Variants in DCDC2 observed in about 807,000 individuals in gnomAD.
DCDC2 encodes the protein doublecortin domain-containing protein 2.
DCDC2 carries 40 observed loss-of-function variants against 50.2 expected under a neutral mutation model. The ratio of observed to expected loss-of-function variants is 0.80; its 90% CI spans 0.62 to 1.04. The LOEUF (loss-of-function observed/expected upper bound fraction) is 1.04. Ranked by LOEUF, DCDC2 falls within the 50% of genes least tolerant of loss-of-function variation. The pLI, the probability that DCDC2 is intolerant of heterozygous loss-of-function variation, is 0.00. For synonymous variants in DCDC2, 234 were observed against 210.6 expected (o/e 1.11, Z -0.96); for missense variants, 570 against 581.9 (o/e 0.98, Z 0.21).
chr6:24,204,940 C>G lies in DCDC2; in HGVS notation c.1023+62G>C, dbSNP rs1455662802. 4.7e-6 allele frequency: 7 copies of G among 1,503,516 alleles called. No individual in the cohort carries two copies. The East Asian group carries it at 9.0e-5, about 19-fold the overall frequency. 93.1% of individuals were successfully genotyped at this position (1,503,516 alleles called of 1,614,324 possible). ...TAGGAACAATTTGTAGGAGATAACACAAAACTTGGAAAAAAAACACTATAA... is the reference window on the plus strand; with the variant it reads ...TAGGAACAATTTGTAGGAGATAACAGAAAACTTGGAAAAAAAACACTATAA... On this transcript the variant is annotated intron_variant, in intron 8 of 9. Transcript: ENST00000378454.
intron 2 of DCDC2, among the ~76,000 whole-genome samples, chr6:24,318,323 G>A (rs1455776954): frequency 1.3e-5 from 2 of 152,090 alleles, no homozygotes; most frequent in African/African-American, 4.8e-5. Context: ...TTGCAGTAAG[G>A]TGTGAGAAAG....
the DCDC2 span, among the ~76,000 whole-genome samples, chr6:24,364,504 T>A: frequency 6.6e-6 from 1 of 152,156 alleles, no homozygotes; most frequent in Non-Finnish European, 1.5e-5. Flanking sequence ...ACATGTTTAA[T>A]CTTTGTAGAG....
At position 24,357,852 on chromosome 6, in the gene DCDC2, A is replaced by G. The variant is rs1760509159; in HGVS notation, c.-102T>C. 6.3e-7 allele frequency: 1 copy of G among 1,589,712 alleles called. No homozygotes were observed. The highest frequency in any genetic ancestry group is 8.6e-7 in the Non-Finnish European group (1 of 1,167,294). On this transcript the variant is annotated 5_prime_UTR_variant, in exon 1 of 10. Coordinates refer to ENST00000378454, the MANE Select transcript of DCDC2 (RefSeq NM_016356.5). ...CCCAGGGCGCGGGATCGCCTCCTGA[A>G]ACGAACGAGAAACTGACGAATCCAC...
In DCDC2 at chr6:24,203,139, A is replaced by C. The variant is rs139227299; in HGVS notation, c.1023+1863T>G. Among the ~76,000 whole-genome samples, 1,136 of 152,334 alleles carry C rather than the reference A, an allele frequency of 7.5e-3. 3 individuals carry two copies. The highest frequency in any genetic ancestry group is 0.028 in the South Asian group (133 of 4,826). On this transcript the variant is annotated intron_variant, in intron 8 of 9. Coordinates refer to ENST00000378454, the MANE Select transcript of DCDC2 (RefSeq NM_016356.5). ...TCACAAAATTGGAAAAAACTACTTT[A>C]AAGTTCATATGGGACCAAAAAAGAG...
At chr6:24,308,454 C>T (rs1454602154) in intron 2 of DCDC2, among the ~76,000 whole-genome samples, 1 of 152,138 alleles carries the variant, frequency 6.6e-6, no homozygotes, top group Non-Finnish European at 1.5e-5. Flanking sequence ...AGGGGACATG[C>T]TTTTTCCTGG....
Position 24,325,574 on chromosome 6 carries a change from A to T in DCDC2, c.349-23530T>A, listed in dbSNP as rs556241500. Reference sequence around the variant, plus strand: ...CAAAGATTTCAGTCACATTAGCATCATCATGTTCTCTTAGTCCAGAATTTT... The same window carrying T: ...CAAAGATTTCAGTCACATTAGCATCTTCATGTTCTCTTAGTCCAGAATTTT... On this transcript the variant is annotated intron_variant, in intron 2 of 9. Transcript: ENST00000378454. Among the ~76,000 whole-genome samples, 65 of 149,742 alleles carry T rather than the reference A, an allele frequency of 4.3e-4. 3 individuals are homozygous for T. Among genetic ancestry groups the T allele is most frequent in the Admixed American group, 8.6e-4 (13 of 15,030 alleles).
At chr6:24,288,496 G>T (rs17302729) in intron 6 of DCDC2, among the ~76,000 whole-genome samples, 1 of 152,058 alleles carries the variant, frequency 6.6e-6, no homozygotes, top group Non-Finnish European at 1.5e-5. Context: ...TTTTCTCAGC[G>T]AAACTTCCCT....
At chr6:24,174,891 G>A in intron 9 of DCDC2, 57 bp from the exon 10 acceptor site, 3 of 1,109,164 alleles carry the variant, frequency 2.7e-6, no homozygotes, top group Non-Finnish European at 3.9e-6. Context: ...CAAAGGTAAT[G>A]ACATTTATAA....
rs1274918019 is a variant in DCDC2, at chr6:24,173,661, C to G, written c.*1069G>C. On this transcript the variant is annotated 3_prime_UTR_variant, in exon 10 of 10. Transcript: ENST00000378454. ...AAAGTTTTACAATTTCTATCAGATG[C>G]CTTCTAATTACAAAGAAATCTGCTT... 1 of 152,110 alleles carries G rather than the reference C, an allele frequency of 6.6e-6. No individual in the cohort carries two copies. The highest frequency in any genetic ancestry group is 1.5e-5 in the Non-Finnish European group (1 of 68,022). The allele number at this position is 152,110 out of a possible 1,614,324, so 9.4% of individuals were successfully genotyped here. A position where few individuals can be genotyped will look rare whatever the true frequency, so the allele number is the denominator to read the frequency against.
intron 7 of DCDC2, among the ~76,000 whole-genome samples, chr6:24,234,290 C>T (rs772888269): frequency 6.6e-6 from 1 of 151,268 alleles, no homozygotes; most frequent in Non-Finnish European, 1.5e-5. Flanking sequence ...ATGTAGTGAG[C>T]GATCAAGCCC....
In DCDC2 at chr6:24,186,259, T is replaced by C. The variant is rs185414463; in HGVS notation, c.1024-7627A>G. ...TGGCAGTAGCCAGTTATGGATGTAA[T>C]ATGTAATGCCAAACATTTAGGTAGC... On this transcript the variant is annotated intron_variant, in intron 8 of 9. Transcript: ENST00000378454. Among the ~76,000 whole-genome samples, 137 of 152,346 alleles carry C rather than the reference T, an allele frequency of 9.0e-4. 1 individual carries two copies. Among genetic ancestry groups the C allele is most frequent in the African/African-American group, 3.2e-3 (134 of 41,586 alleles).
chr6:24,306,046 A>C (rs2113841439), intron 2 of DCDC2, among the ~76,000 whole-genome samples: 1 of 152,092 alleles, frequency 6.6e-6, no homozygotes, highest in South Asian at 2.1e-4. Context: ...AAAGAAAGGA[A>C]AGAAAAGAAA....
In DCDC2 at chr6:24,173,441, A is replaced by C. The variant is rs552926330; in HGVS notation, c.*1289T>G. 32 of 152,328 alleles carry C rather than the reference A, an allele frequency of 2.1e-4. No individual in the cohort carries two copies. Among genetic ancestry groups the C allele is most frequent in the African/African-American group, 7.7e-4 (32 of 41,586 alleles). 9.4% of individuals were successfully genotyped at this position (152,328 alleles called of 1,614,324 possible). On this transcript the variant is annotated 3_prime_UTR_variant, in exon 10 of 10. Coordinates refer to ENST00000378454, the MANE Select transcript of DCDC2 (RefSeq NM_016356.5). The stretch of plus-strand genomic sequence containing the variant: ...GCTTACAACTTCCACATAATTAAAA[A>C]TATATCCTTTAAGAAAAATATATTA...
intron 7 of DCDC2, among the ~76,000 whole-genome samples, chr6:24,248,086 A>G (rs924846418): frequency 2.0e-5 from 3 of 152,186 alleles, no homozygotes; most frequent in Admixed American, 6.5e-5. Flanking sequence ...CAAAAATATT[A>G]AAAAACAAAA....
At chr6:24,199,106 C>T (rs1761518090) in intron 8 of DCDC2, among the ~76,000 whole-genome samples, 1 of 152,218 alleles carries the variant, frequency 6.6e-6, no homozygotes, top group African/African-American at 2.4e-5. Context: ...AACATTCCTG[C>T]CTGCTGGCTC....
chr6:24,176,887 T>G (rs1188343286), intron 9 of DCDC2, among the ~76,000 whole-genome samples: 3 of 152,220 alleles, frequency 2.0e-5, no homozygotes, highest in Non-Finnish European at 2.9e-5. Flanking sequence ...GTTGGCTAAT[T>G]TCACTTAACA....
intron 2 of DCDC2, among the ~76,000 whole-genome samples, chr6:24,327,488 G>GA (rs58677081): frequency 0.031 from 2,610 of 84,230 alleles, 107 homozygotes; most frequent in African/African-American, 0.068. Flanking sequence ...TTATTTATTG[G>GA]CTGATACGGA....
At chr6:24,251,764 T>G (rs1762800215) in intron 7 of DCDC2, among the ~76,000 whole-genome samples, 1 of 152,240 alleles carries the variant, frequency 6.6e-6, no homozygotes. Flanking sequence ...CCTGATTCTG[T>G]ATGCATCTGT....
the DCDC2 span, among the ~76,000 whole-genome samples, chr6:24,366,772 T>C: frequency 2.0e-5 from 3 of 152,174 alleles, no homozygotes; most frequent in Non-Finnish European, 4.4e-5. Flanking sequence ...TCTGACAACA[T>C]GGTGAGCTAA....
Sources: gnomAD v4.1 joint callset for allele counts (sites outside exome capture counted in the v4.1 genomes callset) on GRCh38, gnomAD v4.1.1 for gene constraint, MANE v1.5 for transcripts, NCBI Gene and HGNC (gene_info 2026-07-23, HGNC 2026-07-21) for gene names.